Variants in PTPRG observed in about 807,000 individuals in gnomAD.
The protein encoded by PTPRG is protein tyrosine phosphatase receptor type G, also known as receptor-type tyrosine-protein phosphatase gamma.
A neutral mutation model predicts 165.3 loss-of-function variants in PTPRG; 102 were observed. The observed-to-expected ratio is 0.62, with a 90% CI of 0.53 to 0.73. The LOEUF (loss-of-function observed/expected upper bound fraction) is 0.73, where lower values mean the gene tolerates loss of function less well. Among genes scored for constraint, PTPRG ranks in the 30% least tolerant of loss-of-function variants. PTPRG has a pLI of 0.00. For synonymous variants in PTPRG, 675 were observed against 669.5 expected (o/e 1.01, Z -0.13); for missense variants, 1,866 against 1,861.4 (o/e 1.00, Z -0.05).
At position 61,846,945 on chromosome 3, in the gene PTPRG, C is replaced by T. The variant is rs548700896; in HGVS notation, c.190+97963C>T. On this transcript the variant is annotated intron_variant, in intron 2 of 29. Transcript: ENST00000474889. ...ATAGAGAGAGAGGGACAATATTTTG[C>T]GACTGTGCTGTCTAGTACAGTAACC... Among the ~76,000 whole-genome samples the T allele has an allele frequency of 2.0e-4, 30 of 152,114 alleles. 1 individual carries two copies. In the South Asian group the frequency reaches 5.4e-3, roughly 27 times the overall value.
At chr3:61,638,532 GAA>G (rs34739587) in intron 1 of PTPRG, among the ~76,000 whole-genome samples, 2 of 141,786 alleles carry the variant, frequency 1.4e-5, no homozygotes, top group Middle Eastern at 3.8e-3. Flanking sequence ...TCATAGAATT[GAA>G]AAAAAAAATC....
chr3:62,108,006 TA>T (rs764603018), intron 5 of PTPRG, among the ~76,000 whole-genome samples: 4 of 152,172 alleles, frequency 2.6e-5, no homozygotes, highest in Non-Finnish European at 1.5e-5. Context: ...CCCAACTTTG[TA>T]ATCTTGGTGT....
intron 1 of PTPRG, among the ~76,000 whole-genome samples, chr3:61,740,482 T>G (rs1021800640): frequency 6.6e-6 from 1 of 152,186 alleles, no homozygotes; most frequent in Non-Finnish European, 1.5e-5. Context: ...GTTTTAAAAC[T>G]GACAGAGTTA....
intron 2 of PTPRG, among the ~76,000 whole-genome samples, chr3:61,807,405 G>C (rs2035449398): frequency 6.6e-6 from 1 of 152,150 alleles, no homozygotes; most frequent in South Asian, 2.1e-4. Context: ...GTATGCCAGT[G>C]ACATTGTCAG....
chr3:61,875,115 C>G (rs1305746016), intron 2 of PTPRG, among the ~76,000 whole-genome samples: 1 of 152,190 alleles, frequency 6.6e-6, no homozygotes, highest in African/African-American at 2.4e-5. Context: ...CTCAGGAAAT[C>G]TTTTGCTCTA....
At chr3:61,719,624 T>C (rs2031964380) in intron 1 of PTPRG, among the ~76,000 whole-genome samples, 1 of 152,164 alleles carries the variant, frequency 6.6e-6, no homozygotes, top group Admixed American at 6.5e-5. Flanking sequence ...TTCCTTACCC[T>C]CCCTTTTCCG....
chr3:61,660,661 G>C (rs1384801386), intron 1 of PTPRG, among the ~76,000 whole-genome samples: 2 of 152,146 alleles, frequency 1.3e-5, no homozygotes, highest in South Asian at 2.1e-4. Flanking sequence ...ACGTGGTTCA[G>C]TATAACACGG....
In PTPRG at chr3:62,233,365, C is replaced by G. The variant is rs1700950200; in HGVS notation, c.2375+2054C>G. Among the ~76,000 whole-genome samples, 1 of 152,164 alleles carries G rather than the reference C, an allele frequency of 6.6e-6. No homozygotes were observed. The highest frequency in any genetic ancestry group is 6.5e-5 in the Admixed American group (1 of 15,276). The stretch of plus-strand genomic sequence containing the variant: ...ACTGTCCCCTCTCCTTCCCCATGCT[C>G]TCTCCCCAGGCACTTTTGCTGCCTC... On this transcript the variant is annotated intron_variant, in intron 14 of 29. Coordinates refer to ENST00000474889, the MANE Select transcript of PTPRG (RefSeq NM_002841.4). This position sits in a 1 kb window ranked among gnomAD's most constrained non-coding sequence, Gnocchi z 4.7.
chr3:62,192,029 CTG>C (rs2106808194), intron 9 of PTPRG, among the ~76,000 whole-genome samples: 1 of 152,362 alleles, frequency 6.6e-6, no homozygotes, highest in East Asian at 1.9e-4. Flanking sequence ...TCCTATATAA[CTG>C]TATAAATATT....
At chr3:61,905,223 C>A (rs1359783763) in intron 2 of PTPRG, among the ~76,000 whole-genome samples, 1 of 152,170 alleles carries the variant, frequency 6.6e-6, no homozygotes, top group East Asian at 1.9e-4. Context: ...GGAGGACATA[C>A]ATACTTCAGT....
rs114230174 is a variant in PTPRG at position 61,974,102 on chromosome 3, G to A, written c.191-15523G>A. 7.4e-3 allele frequency among the ~76,000 whole-genome samples: 1,127 copies of A among 152,130 alleles called. 22 individuals carry two copies. The highest frequency in any genetic ancestry group is 0.026 in the African/African-American group (1,079 of 41,488). On this transcript the variant is annotated intron_variant, in intron 2 of 29. Coordinates refer to ENST00000474889, the MANE Select transcript of PTPRG (RefSeq NM_002841.4). ...TTTCCAGTAAACAAGTTACTGTGAT[G>A]CCTCATGACTGTCTTTTTTAGAGTG...
chr3:62,287,967 CAAATCCTTAT>C (rs1702732967), intron 28 of PTPRG, among the ~76,000 whole-genome samples: 1 of 152,010 alleles, frequency 6.6e-6, no homozygotes, highest in South Asian at 2.1e-4. Context: ...AATAACATCC[CAAATCCTTAT>C]AACTAGAAAC....
At chr3:61,745,154 G>A (rs955785810) in intron 1 of PTPRG, among the ~76,000 whole-genome samples, 2 of 147,848 alleles carry the variant, frequency 1.4e-5, no homozygotes, top group Non-Finnish European at 3.0e-5. Flanking sequence ...GGGTTCAAGC[G>A]ATTCTCCTGC....
At chr3:62,152,367 C>CA (rs552555438) in intron 6 of PTPRG, among the ~76,000 whole-genome samples, 3 of 151,580 alleles carry the variant, frequency 2.0e-5, no homozygotes, top group African/African-American at 4.8e-5. Flanking sequence ...TTTATACAAA[C>CA]AAAAAAAAGA....
intron 8 of PTPRG, among the ~76,000 whole-genome samples, chr3:62,170,182 C>T (rs1705162960): frequency 6.6e-6 from 1 of 151,966 alleles, no homozygotes; most frequent in South Asian, 2.1e-4. Context: ...GCTCACAAAC[C>T]TGTGAAATAT....
At chr3:61,766,372 G>A (rs1027485714) in intron 2 of PTPRG, among the ~76,000 whole-genome samples, 2 of 152,134 alleles carry the variant, frequency 1.3e-5, no homozygotes, top group Non-Finnish European at 2.9e-5. Flanking sequence ...TTCCAAAAGA[G>A]TTTCTTCAGT....
chr3:61,561,844 C>T lies in PTPRG; in HGVS notation c.-444C>T. The T allele has an allele frequency of 6.5e-6, 1 of 154,090 alleles. No individual in the cohort carries two copies. Among genetic ancestry groups the T allele is most frequent in the Non-Finnish European group, 1.4e-5 (1 of 69,062 alleles). The allele number at this position is 154,090 out of a possible 1,614,324, so 9.5% of individuals were successfully genotyped here. A position where few individuals can be genotyped will look rare whatever the true frequency, so the allele number is the denominator to read the frequency against. On this transcript the variant is annotated 5_prime_UTR_variant, in exon 1 of 30. Coordinates refer to ENST00000474889, the MANE Select transcript of PTPRG (RefSeq NM_002841.4). ...TGGAAGGAGCTGCCTGCCTGAAGCC[C>T]GGAGACGCCGCGCCGCGCTCAGCCC...
At chr3:61,713,052 G>A (rs1351772108) in intron 1 of PTPRG, among the ~76,000 whole-genome samples, 1 of 151,776 alleles carries the variant, frequency 6.6e-6, no homozygotes, top group African/African-American at 2.4e-5. Context: ...GCCATGTTTT[G>A]TTGTTGTTTG....
chr3:62,074,420 C>G (rs1848417), intron 4 of PTPRG, among the ~76,000 whole-genome samples: 1 of 143,442 alleles, frequency 7.0e-6, no homozygotes, highest in Non-Finnish European at 1.5e-5. Flanking sequence ...CAGTGGAGCC[C>G]TCAGTAGCCT....
Sources: allele counts gnomAD v4.1 joint callset (sites outside exome capture counted in the v4.1 genomes callset), GRCh38; gene constraint gnomAD v4.1.1; non-coding constraint Gnocchi (gnomAD v3.1); transcripts MANE v1.5; gene names NCBI Gene and HGNC (gene_info 2026-07-23, HGNC 2026-07-21).